Variants in ARK2C observed in about 807,000 individuals in gnomAD.
ARK2C encodes the protein E3 ubiquitin-protein ligase ARK2C.
At chr18:46,412,794 A>T in the ARK2C span, among the ~76,000 whole-genome samples, 1 of 152,028 alleles carries the variant, frequency 6.6e-6, no homozygotes, top group Non-Finnish European at 1.5e-5. Flanking sequence ...CGGAGTGACC[A>T]CGTTTCATGC....
the ARK2C span, among the ~76,000 whole-genome samples, chr18:46,390,786 G>A: frequency 3.3e-4 from 50 of 152,126 alleles, no homozygotes; most frequent in African/African-American, 9.2e-4. Context: ...CTTCTGAGCC[G>A]GGCACCCTTA....
chr18:46,383,842 C>T, the ARK2C span, among the ~76,000 whole-genome samples: 56 of 152,234 alleles, frequency 3.7e-4, no homozygotes, highest in Admixed American at 9.2e-4. Context: ...TGAGCCACCG[C>T]GCCCGGCCAC....
At chr18:46,346,679 C>G in the ARK2C span, among the ~76,000 whole-genome samples, 1 of 152,136 alleles carries the variant, frequency 6.6e-6, no homozygotes, top group African/African-American at 2.4e-5. Context: ...AAAGAGAGTT[C>G]TCACTCATAT....
At chr18:46,382,807 C>A in the ARK2C span, among the ~76,000 whole-genome samples, 1 of 152,266 alleles carries the variant, frequency 6.6e-6, no homozygotes, top group African/African-American at 2.4e-5. Flanking sequence ...AGAGACTATG[C>A]AGGTTTCAAA....
the ARK2C span, among the ~76,000 whole-genome samples, chr18:46,423,197 A>G: frequency 6.6e-6 from 1 of 152,200 alleles, no homozygotes; most frequent in Non-Finnish European, 1.5e-5. Context: ...GTCTTGCTAC[A>G]GAAGCACCCA....
chr18:46,447,467 C>G, the ARK2C span: 5 of 1,404,342 alleles, frequency 3.6e-6, no homozygotes, highest in Non-Finnish European at 5.0e-6. Flanking sequence ...CAGGGTGTCA[C>G]TCCAATTCTA....
the ARK2C span, among the ~76,000 whole-genome samples, chr18:46,344,597 T>TGGCCTCCACAGGGGACCTC: frequency 2.0e-4 from 30 of 152,136 alleles, no homozygotes; most frequent in African/African-American, 7.2e-4. Flanking sequence ...CAGGGGACCT[T>TGGCCTCCACAGGGGACCTC]GGCCTCCACA....
the ARK2C span, among the ~76,000 whole-genome samples, chr18:46,399,376 G>T: frequency 6.6e-6 from 1 of 152,214 alleles, no homozygotes; most frequent in Non-Finnish European, 1.5e-5. Flanking sequence ...CCTCCATCAT[G>T]TGTCCCCCGC....
the ARK2C span, among the ~76,000 whole-genome samples, chr18:46,402,521 T>G: frequency 8.5e-5 from 13 of 152,238 alleles, no homozygotes; most frequent in African/African-American, 2.7e-4. Flanking sequence ...GTGTGTGTTT[T>G]TTTTTCTTTT....
chr18:46,432,580 A>G, the ARK2C span, among the ~76,000 whole-genome samples: 2 of 152,228 alleles, frequency 1.3e-5, no homozygotes, highest in African/African-American at 4.8e-5. Flanking sequence ...TAGGAGTCTA[A>G]TTCAAAAGGC....
the ARK2C span, among the ~76,000 whole-genome samples, chr18:46,345,109 G>T: frequency 2.0e-5 from 3 of 152,218 alleles, no homozygotes; most frequent in Non-Finnish European, 4.4e-5. Flanking sequence ...GGATGCAGGG[G>T]TGCCTGCGAT....
the ARK2C span, among the ~76,000 whole-genome samples, chr18:46,339,586 C>T: frequency 6.6e-6 from 1 of 152,182 alleles, no homozygotes; most frequent in African/African-American, 2.4e-5. Flanking sequence ...TGTTTTAGCA[C>T]CTTGACTTCA....
At chr18:46,456,437 A>G in the ARK2C span, 613 of 991,910 alleles carry the variant, frequency 6.2e-4, 7 homozygotes, top group Middle Eastern at 8.7e-3. Flanking sequence ...GCAGTTCCCC[A>G]GGAGTCCTAG....
At chr18:46,358,785 C>A in the ARK2C span, among the ~76,000 whole-genome samples, 1 of 152,206 alleles carries the variant, frequency 6.6e-6, no homozygotes, top group Admixed American at 6.5e-5. Context: ...CAGGGAGAAA[C>A]CCATGGGCAG....
At chr18:46,450,740 A>T in the ARK2C span, 1 of 1,613,734 alleles carries the variant, frequency 6.2e-7, no homozygotes, top group African/African-American at 1.3e-5. Context: ...GGGTAATGTG[A>T]CTCGGGGAGC....
the ARK2C span, among the ~76,000 whole-genome samples, chr18:46,364,844 A>G: frequency 6.6e-6 from 1 of 152,176 alleles, no homozygotes; most frequent in Non-Finnish European, 1.5e-5. Context: ...CTCTCTGGGC[A>G]GGAGGCTTGG....
chr18:46,368,120 A>G, the ARK2C span, among the ~76,000 whole-genome samples: 1 of 152,190 alleles, frequency 6.6e-6, no homozygotes, highest in Non-Finnish European at 1.5e-5. Flanking sequence ...GTGGGAAACT[A>G]CTGCTCTAGA....
the ARK2C span, among the ~76,000 whole-genome samples, chr18:46,416,471 T>A: frequency 6.6e-6 from 1 of 152,234 alleles, no homozygotes; most frequent in East Asian, 1.9e-4. Flanking sequence ...CTTTTCTCTT[T>A]AAGCATTCAG....
chr18:46,411,380 A>G, the ARK2C span, among the ~76,000 whole-genome samples: 3 of 152,350 alleles, frequency 2.0e-5, no homozygotes, highest in South Asian at 2.1e-4. Context: ...AGCTGACACT[A>G]TGTGACTATC....
Sources: allele counts gnomAD v4.1 joint callset (sites outside exome capture counted in the v4.1 genomes callset), GRCh38; gene constraint gnomAD v4.1.1; transcripts MANE v1.5; gene names NCBI Gene and HGNC (gene_info 2026-07-23, HGNC 2026-07-21).